The following RPS6KC1 variants were observed in gnomAD, a reference collection of about 807,000 sequenced individuals.
RPS6KC1 encodes inactive ribosomal protein S6 kinase delta-1.
A neutral mutation model predicts 103.8 loss-of-function variants in RPS6KC1; 54 were observed. That is an observed-to-expected ratio of 0.52 (90% CI 0.42 to 0.65). The LOEUF is 0.65. Among genes scored for constraint, RPS6KC1 ranks in the 30% least tolerant of loss-of-function variants. The pLI, the probability that RPS6KC1 is intolerant of heterozygous loss-of-function variation, is 0.00. For missense variants in RPS6KC1, 1,151 were observed against 1,253.8 expected, an observed-to-expected ratio of 0.92 and a Z score of 1.24; for synonymous variants, 439 against 438.7, an observed-to-expected ratio of 1.00 and a Z score of -0.01.
At chr1:213,830,805 T>G in the RPS6KC1 span, among the ~76,000 whole-genome samples, 13 of 152,198 alleles carry the variant, frequency 8.5e-5, no homozygotes, top group African/African-American at 2.6e-4. Context: ...TACACAAAAA[T>G]CCTGGCTTAT....
chr1:213,626,155 T>C, the RPS6KC1 span, among the ~76,000 whole-genome samples: 6 of 152,250 alleles, frequency 3.9e-5, no homozygotes, highest in African/African-American at 1.4e-4. Context: ...CATTGTGTTT[T>C]TGATTTGCAT....
chr1:213,241,855 C>T lies in RPS6KC1; in HGVS notation c.2379C>T (p.Pro793=). 1 of 1,614,020 alleles carries T rather than the reference C, an allele frequency of 6.2e-7. No individual in the cohort carries two copies. The highest frequency in any genetic ancestry group is 8.5e-7 in the Non-Finnish European group (1 of 1,179,952). ...HSSSGDMSLL[P]SSDPKFQGLG... is the part of the protein sequence containing the mutation. ...GTTCAGGAGATATGTCTTTGTTACC[C>T]AGCTCAGATCCTAAGTTTCAAGGAC... The change falls in exon 11 of 15, where the codon CCC becomes CCT. Residue 793 remains proline (P), a synonymous_variant. Transcript: ENST00000366960.
the RPS6KC1 span, among the ~76,000 whole-genome samples, chr1:213,679,496 A>G: frequency 6.6e-6 from 1 of 152,210 alleles, no homozygotes; most frequent in Non-Finnish European, 1.5e-5. Flanking sequence ...CAAGTAACTC[A>G]AAGTTACTGA....
the RPS6KC1 span, among the ~76,000 whole-genome samples, chr1:213,791,900 T>C: frequency 6.6e-6 from 1 of 152,172 alleles, no homozygotes; most frequent in Non-Finnish European, 1.5e-5. Context: ...CTGACGTTAA[T>C]ACCTCCCTGT....
the RPS6KC1 span, among the ~76,000 whole-genome samples, chr1:213,632,497 C>G: frequency 1.5e-4 from 23 of 152,248 alleles, 1 homozygote; most frequent in African/African-American, 4.6e-4. Context: ...GGAATAGCAT[C>G]AACATCAACA....
At chr1:213,238,199 A>C (rs1036874917) in intron 10 of RPS6KC1, among the ~76,000 whole-genome samples, 4 of 152,188 alleles carry the variant, frequency 2.6e-5, no homozygotes, top group Non-Finnish European at 4.4e-5. Context: ...GGATTGAGAG[A>C]ATGTATATAT....
the RPS6KC1 span, among the ~76,000 whole-genome samples, chr1:213,541,542 G>T: frequency 6.6e-6 from 1 of 151,928 alleles, no homozygotes; most frequent in African/African-American, 2.4e-5. Flanking sequence ...CAATAAAAGA[G>T]GTATTCCTGT....
chr1:213,343,070 A>G, the RPS6KC1 span, among the ~76,000 whole-genome samples: 1 of 152,080 alleles, frequency 6.6e-6, no homozygotes, highest in Non-Finnish European at 1.5e-5. Context: ...ATACAAGACA[A>G]TATTGTATTG....
At chr1:213,495,388 C>CT in the RPS6KC1 span, among the ~76,000 whole-genome samples, 1 of 151,106 alleles carries the variant, frequency 6.6e-6, no homozygotes, top group East Asian at 2.0e-4. Flanking sequence ...GTGGCACAAT[C>CT]TCAGCTTACT....
the RPS6KC1 span, among the ~76,000 whole-genome samples, chr1:213,322,589 C>A: frequency 6.6e-6 from 1 of 152,236 alleles, no homozygotes; most frequent in African/African-American, 2.4e-5. Flanking sequence ...TTTTATAGTT[C>A]TTGAGGTCAA....
At chr1:213,703,918 TC>T in the RPS6KC1 span, among the ~76,000 whole-genome samples, 1 of 152,194 alleles carries the variant, frequency 6.6e-6, no homozygotes, top group Admixed American at 6.5e-5. Context: ...AACTTTCTAT[TC>T]CTGTCTCATT....
the RPS6KC1 span, among the ~76,000 whole-genome samples, chr1:213,713,550 C>G: frequency 1.1e-4 from 16 of 152,116 alleles, no homozygotes; most frequent in Non-Finnish European, 1.8e-4. Context: ...TGTTTAATTA[C>G]TATCTTTTCA....
the RPS6KC1 span, among the ~76,000 whole-genome samples, chr1:213,476,189 A>G: frequency 4.5e-4 from 69 of 152,188 alleles, no homozygotes; most frequent in African/African-American, 1.5e-3. Context: ...TCCTCCTTGG[A>G]GGATTGAAAA....
At chr1:213,429,030 T>C in the RPS6KC1 span, 2 of 152,212 alleles carry the variant, frequency 1.3e-5, no homozygotes, top group Admixed American at 1.3e-4. Flanking sequence ...TTCATTGACA[T>C]CAGAATAGCC....
the RPS6KC1 span, among the ~76,000 whole-genome samples, chr1:213,734,245 C>G: frequency 1.3e-5 from 2 of 152,202 alleles, no homozygotes; most frequent in Non-Finnish European, 2.9e-5. Context: ...CACTTCTTTT[C>G]TCATTGTCCT....
chr1:213,819,894 A>AT, the RPS6KC1 span: 11 of 152,174 alleles, frequency 7.2e-5, no homozygotes, highest in African/African-American at 2.7e-4. Context: ...AATTTAAGTC[A>AT]TTTTTTAATA....
chr1:213,339,815 G>A, the RPS6KC1 span, among the ~76,000 whole-genome samples: 6 of 152,322 alleles, frequency 3.9e-5, no homozygotes, highest in Non-Finnish European at 7.3e-5. Flanking sequence ...TTTTCCTGTT[G>A]AGGGCAGGTT....
chr1:213,394,991 C>G, the RPS6KC1 span, among the ~76,000 whole-genome samples: 2 of 152,218 alleles, frequency 1.3e-5, no homozygotes. Context: ...CTAGAAACAG[C>G]TCTGTTCTTC....
intron 1 of RPS6KC1, among the ~76,000 whole-genome samples, chr1:213,068,880 T>TGTGTGTGTGTG (rs2078604634): frequency 8.3e-6 from 1 of 120,998 alleles, no homozygotes; most frequent in Admixed American, 9.0e-5. Context: ...TATATGTGTG[T>TGTGTGTGTGTG]GTGTGTGTGT....
Sources: allele counts gnomAD v4.1 joint callset (sites outside exome capture counted in the v4.1 genomes callset), GRCh38; gene constraint gnomAD v4.1.1; transcripts MANE v1.5; gene names NCBI Gene and HGNC (gene_info 2026-07-23, HGNC 2026-07-21).